SPTBN1: variants seen among roughly 807,000 people sequenced by gnomAD.
SPTBN1 encodes the protein spectrin beta, non-erythrocytic 1.
SPTBN1 carries 32 observed loss-of-function variants against 266.4 expected under a neutral mutation model. That is an observed-to-expected ratio of 0.12 (90% CI 0.09 to 0.16). The LOEUF (loss-of-function observed/expected upper bound fraction) is 0.16, where lower values mean the gene tolerates loss of function less well. SPTBN1 is among the 10% of genes least tolerant of loss of function. The probability of loss-of-function intolerance (pLI) is 1.00; values close to 1 mark genes in which losing one functional copy is unlikely to be tolerated. For missense variants in SPTBN1, 2,296 were observed against 3,067.1 expected, an observed-to-expected ratio of 0.75 and a Z score of 5.94; for synonymous variants, 1,336 against 1,162.2, an observed-to-expected ratio of 1.15 and a Z score of -3.04.
At chr2:54,644,300 A>G in intron 19 of SPTBN1, 23 bp from the exon 20 acceptor site, 3 of 1,597,342 alleles carry the variant, frequency 1.9e-6, no homozygotes, top group East Asian at 2.3e-5. Context: ...TTTATTTACA[A>G]CCATGTTGGT....
At chr2:54,489,387 G>C (rs1289150202) in intron 1 of SPTBN1, among the ~76,000 whole-genome samples, 4 of 151,808 alleles carry the variant, frequency 2.6e-5, no homozygotes, top group African/African-American at 4.8e-5. Flanking sequence ...ATATGCAGTT[G>C]CAAGTTGCTG....
At chr2:54,493,225 C>G (rs1276459956) in intron 1 of SPTBN1, among the ~76,000 whole-genome samples, 2 of 151,988 alleles carry the variant, frequency 1.3e-5, no homozygotes, top group African/African-American at 4.8e-5. Flanking sequence ...AGGCTGGTCT[C>G]AAACTCCTGG....
chr2:54,625,875 G>A, intron 11 of SPTBN1, 57 bp from the exon 12 acceptor site: 1 of 1,549,536 alleles, frequency 6.5e-7, no homozygotes, highest in Admixed American at 1.9e-5. Flanking sequence ...ACAAGCATGA[G>A]CTACTGTGCC....
chr2:54,477,721 G>A (rs1326105855), intron 1 of SPTBN1, among the ~76,000 whole-genome samples: 4 of 152,124 alleles, frequency 2.6e-5, no homozygotes, highest in African/African-American at 4.8e-5. Context: ...AGACCAGCCT[G>A]GCTAATATGG....
intron 32 of SPTBN1, chr2:54,661,431 A>G (rs1053286024): frequency 7.1e-6 from 7 of 985,738 alleles, no homozygotes; most frequent in Non-Finnish European, 8.4e-6. Flanking sequence ...TTATTTCATG[A>G]TGCATGTCTT....
chr2:54,502,398 G>T (rs887008696), intron 1 of SPTBN1, among the ~76,000 whole-genome samples: 2 of 152,054 alleles, frequency 1.3e-5, no homozygotes, highest in African/African-American at 2.4e-5. Flanking sequence ...CCCCAACCCA[G>T]CCCTCTGTGA....
chr2:54,569,719 T>G (rs1462138827), intron 2 of SPTBN1, among the ~76,000 whole-genome samples: 1 of 152,268 alleles, frequency 6.6e-6, no homozygotes, highest in East Asian at 1.9e-4. Context: ...TTCTGTGTAA[T>G]GAGATTGTTG....
intron 34 of SPTBN1, 136 bp downstream of exon 34, chr2:54,666,224 AC>A: frequency 2.1e-6 from 2 of 933,588 alleles, no homozygotes; most frequent in Non-Finnish European, 3.0e-6. Context: ...AAAGTGAAAA[AC>A]CAGTTTGGCA....
Position 54,475,160 on chromosome 2 carries a change from C to T in SPTBN1, c.-48+18642C>T, listed in dbSNP as rs566227558. Among the ~76,000 whole-genome samples the T allele has an allele frequency of 4.6e-5, 7 of 152,226 alleles. No individual in the cohort carries two copies. The East Asian group carries it at 7.7e-4, about 17-fold the overall frequency. On this transcript the variant is annotated intron_variant, in intron 1 of 35. Transcript: ENST00000356805. ...GGCAGAGGTTGCAGTGAGCTGAGAT[C>T]GCGCCACTGCACTCCAGCCTGGGTG...
At chr2:54,617,786 G>T (rs901733703) in intron 6 of SPTBN1, 98 bp downstream of exon 6, 98 of 1,190,796 alleles carry the variant, frequency 8.2e-5, no homozygotes, top group Non-Finnish European at 1.2e-4. Context: ...TGGCTTAACT[G>T]TCTCACCGTG....
intron 32 of SPTBN1, chr2:54,660,819 G>T (rs1006156215): frequency 2.0e-6 from 2 of 985,334 alleles, no homozygotes; most frequent in Middle Eastern, 5.2e-4. Flanking sequence ...CGCCACCTCT[G>T]TCTCGCTCCC....
At chr2:54,457,898 G>A (rs1693153237) in intron 1 of SPTBN1, among the ~76,000 whole-genome samples, 2 of 152,260 alleles carry the variant, frequency 1.3e-5, no homozygotes, top group Non-Finnish European at 2.9e-5. Context: ...CATCACCAGT[G>A]CAGGCAGAGG....
At chr2:54,506,245 T>G (rs1275123277) in intron 1 of SPTBN1, among the ~76,000 whole-genome samples, 1 of 152,176 alleles carries the variant, frequency 6.6e-6, no homozygotes. Flanking sequence ...TACATGTGCT[T>G]TCGGAGGTTG....
intron 1 of SPTBN1, among the ~76,000 whole-genome samples, chr2:54,485,481 G>T (rs1268996921): frequency 6.6e-6 from 1 of 152,188 alleles, no homozygotes; most frequent in Non-Finnish European, 1.5e-5. Context: ...ACGGAGTCTC[G>T]TTCACTCAGT....
intron 2 of SPTBN1, among the ~76,000 whole-genome samples, chr2:54,560,940 C>T (rs1361340127): frequency 6.6e-6 from 1 of 152,182 alleles, no homozygotes; most frequent in African/African-American, 2.4e-5. Context: ...CAAAACCTTT[C>T]TTTAATTCCC....
Position 54,653,993 on chromosome 2 carries a change from A to T in SPTBN1, c.5822+140A>T. 2 of 1,296,144 alleles carry T rather than the reference A, an allele frequency of 1.5e-6. No individual in the cohort carries two copies. The highest frequency in any genetic ancestry group is 2.1e-6 in the Non-Finnish European group (2 of 957,898). 80.3% of individuals were successfully genotyped at this position (1,296,144 alleles called of 1,614,324 possible). ...AGAGTGGGGGTGGGGCGGTGCTTGG[A>T]GTGCGGCACCACTGCTTGCCTCGTG... On this transcript the variant is annotated intron_variant, in intron 27 of 35. Coordinates refer to ENST00000356805, the MANE Select transcript of SPTBN1 (RefSeq NM_003128.3). The surrounding 1 kb of genome is among the most constrained non-coding windows in gnomAD (Gnocchi z 5.1).
intron 2 of SPTBN1, among the ~76,000 whole-genome samples, chr2:54,543,383 GC>G (rs1394417095): frequency 2.6e-5 from 4 of 152,098 alleles, no homozygotes; most frequent in African/African-American, 9.7e-5. Flanking sequence ...TTTCCTCCCT[GC>G]AAAAAGGCCT....
chr2:54,599,017 T>C lies in SPTBN1; in HGVS notation c.149-75T>C, dbSNP rs149248573. Reference sequence around the variant, plus strand: ...GCTGACCTTCCTCTGGCTGGGGTCTTGTGGCCCTGCTAGCATGTGCCTGCT... The same window carrying C: ...GCTGACCTTCCTCTGGCTGGGGTCTCGTGGCCCTGCTAGCATGTGCCTGCT... On this transcript the variant is annotated intron_variant, in intron 2 of 35. Coordinates refer to ENST00000356805, the MANE Select transcript of SPTBN1 (RefSeq NM_003128.3). The C allele has an allele frequency of 9.0e-6, 14 of 1,552,726 alleles. 1 individual carries two copies. In the South Asian group the frequency reaches 1.7e-4, roughly 19 times the overall value.
intron 1 of SPTBN1, among the ~76,000 whole-genome samples, chr2:54,459,157 G>T (rs1472209264): frequency 1.3e-5 from 2 of 152,330 alleles, no homozygotes; most frequent in East Asian, 3.9e-4. Context: ...GCAGAATTCT[G>T]TTGGGTTAAG....
Sources: allele counts gnomAD v4.1 joint callset (sites outside exome capture counted in the v4.1 genomes callset), GRCh38; gene constraint gnomAD v4.1.1; non-coding constraint Gnocchi (gnomAD v3.1); transcripts MANE v1.5; gene names NCBI Gene and HGNC (gene_info 2026-07-23, HGNC 2026-07-21).